Variants in RUVBL2 observed in about 807,000 individuals in gnomAD.
RUVBL2 encodes the protein RuvB like AAA ATPase 2, also known as ruvB-like 2.
In RUVBL2, 9 loss-of-function variants were observed where a neutral mutation model predicts 57.9. The ratio of observed to expected loss-of-function variants is 0.16; its 90% confidence interval spans 0.09 to 0.27. The LOEUF is 0.27. Among genes scored for constraint, RUVBL2 ranks in the 10% least tolerant of loss-of-function variants. RUVBL2 has a pLI of 1.00. For missense variants in RUVBL2, 456 were observed against 669.6 expected (o/e 0.68, Z 3.52); for synonymous variants, 278 against 264.6 (o/e 1.05, Z -0.49).
chr19:48,994,048 C>CGG (rs1350438782), intron 1 of RUVBL2, 125 bp downstream of exon 1: 17 of 1,021,984 alleles, frequency 1.7e-5, no homozygotes, highest in Non-Finnish European at 2.3e-5. Flanking sequence ...ACTCCTGGGT[C>CGG]TGAAAGAGGA....
At chr19:49,013,024 C>T (rs544792039) in intron 11 of RUVBL2, among the ~76,000 whole-genome samples, 27 of 152,332 alleles carry the variant, frequency 1.8e-4, no homozygotes, top group African/African-American at 6.0e-4. Flanking sequence ...AGTGCAGTGG[C>T]ACGATCTCGG....
intron 11 of RUVBL2, among the ~76,000 whole-genome samples, chr19:49,013,384 CT>C (rs141543194): frequency 2.0e-4 from 29 of 147,678 alleles, no homozygotes; most frequent in Admixed American, 8.2e-4. Context: ...TTTTTTGTGC[CT>C]TTTTTTTTTA....
intron 2 of RUVBL2, among the ~76,000 whole-genome samples, chr19:48,999,952 A>G (rs1206544431): frequency 1.3e-5 from 2 of 152,176 alleles, no homozygotes; most frequent in East Asian, 1.9e-4. Context: ...CGCTCTCACA[A>G]AGAGCTTTAC....
Position 49,014,507 on chromosome 19 carries a change from G to A in RUVBL2, c.1025G>A (p.Ser342Asn). 1 of 1,614,096 alleles carries A rather than the reference G, an allele frequency of 6.2e-7. No homozygotes were observed. The highest frequency in any genetic ancestry group is 8.5e-7 in the Non-Finnish European group (1 of 1,179,978). ...ITRIRGTSYQSPHGIPIDLLD... is the reference protein window; with the variant it reads ...ITRIRGTSYQNPHGIPIDLLD... Reference sequence around the variant, plus strand: ...AGAATCCGGGGCACCAGCTACCAGAGCCCTCACGGCATCCCCATAGACCTG... The same window carrying A: ...AGAATCCGGGGCACCAGCTACCAGAACCCTCACGGCATCCCCATAGACCTG... Residue 342 changes from serine (S) to asparagine (N), a missense_variant, in exon 12 of 15, where the codon AGC becomes AAC. By Grantham distance (46) the Ser-to-Asn change is conservative. Transcript: ENST00000595090.
intron 3 of RUVBL2, 74 bp downstream of exon 3, chr19:49,003,408 G>A: frequency 7.3e-7 from 1 of 1,364,684 alleles, no homozygotes; most frequent in Non-Finnish European, 1.0e-6. Flanking sequence ...GGGTCCTGGG[G>A]AGTGTGGGGA....
Position 49,010,478 on chromosome 19 carries a change from C to CCCCCCCA in RUVBL2, c.664-10_664-9insCCCCCCA. 10 of 1,574,620 alleles carry CCCCCCCA rather than the reference C, an allele frequency of 6.4e-6. No homozygotes were observed. The highest frequency in any genetic ancestry group is 8.7e-6 in the Non-Finnish European group (10 of 1,147,016). Reference sequence around the variant, plus strand: ...GTCTCCGCCGTTCTTCCCCCACCCCCGCCCCATAGACCAAGTTCGTGCAGT... The same window carrying CCCCCCCA: ...GTCTCCGCCGTTCTTCCCCCACCCCCCCCCCCAGCCCCATAGACCAAGTTCGTGCAGT... On this transcript the variant is annotated splice_polypyrimidine_tract_variant and intron_variant, in intron 8 of 14. Transcript: ENST00000595090.
At chr19:49,014,678 G>A (rs549526504) in intron 12 of RUVBL2, 75 bp downstream of exon 12, 5 of 1,569,254 alleles carry the variant, frequency 3.2e-6, no homozygotes, top group Non-Finnish European at 4.3e-6. Context: ...CTGACACTGA[G>A]GTCCAGCGGA....
chr19:49,015,248 G>A (rs2039522138), intron 13 of RUVBL2, 98 bp downstream of exon 13: 5 of 1,484,114 alleles, frequency 3.4e-6, no homozygotes, highest in Admixed American at 3.6e-5. Flanking sequence ...TAGAATGTAC[G>A]TTTTCAGACG....
chr19:49,015,631 C>A lies in RUVBL2; in HGVS notation c.1311C>A (p.Ser437=). The change falls in exon 14 of 15, where the codon TCC becomes TCA. Residue 437 remains serine, a synonymous_variant. Coordinates refer to ENST00000595090, the MANE Select transcript of RUVBL2 (RefSeq NM_006666.3). ...TCTACTCACTCTTCCTGGACGAGTC[C>A]CGCTCCACGCAGTACATGAAGGAGT... ...KRVYSLFLDE[S]RSTQYMKEYQ... is the part of the protein sequence containing the mutation. 1 of 1,614,100 alleles carries A rather than the reference C, an allele frequency of 6.2e-7. No individual in the cohort carries two copies. Among genetic ancestry groups the A allele is most frequent in the Non-Finnish European group, 8.5e-7 (1 of 1,180,016 alleles).
chr19:48,995,340 G>A (rs753136475), intron 1 of RUVBL2, among the ~76,000 whole-genome samples: 2 of 150,478 alleles, frequency 1.3e-5, no homozygotes, highest in Non-Finnish European at 3.0e-5. Flanking sequence ...TTTTTTGTGG[G>A]GTGGGGATGC....
intron 11 of RUVBL2, 48 bp from the exon 12 acceptor site, chr19:49,014,436 A>C (rs2039500188): frequency 1.9e-6 from 3 of 1,593,550 alleles, no homozygotes; most frequent in Non-Finnish European, 2.6e-6. Context: ...AAAGGGAATG[A>C]AGAGGGAACA....
At chr19:49,000,218 T>C (rs1486071319) in intron 2 of RUVBL2, among the ~76,000 whole-genome samples, 1 of 152,234 alleles carries the variant, frequency 6.6e-6, no homozygotes, top group African/African-American at 2.4e-5. Context: ...GTAGTTCATA[T>C]AAAGCATTTT....
intron 1 of RUVBL2, among the ~76,000 whole-genome samples, chr19:48,998,639 G>T (rs2039113069): frequency 6.6e-6 from 1 of 151,258 alleles, no homozygotes; most frequent in South Asian, 2.1e-4. Context: ...AACCCAGGAG[G>T]CGGAGGTTGC....
intron 1 of RUVBL2, among the ~76,000 whole-genome samples, chr19:48,998,143 C>G (rs1034777047): frequency 6.6e-6 from 1 of 152,190 alleles, no homozygotes; most frequent in Non-Finnish European, 1.5e-5. Context: ...GTCTGAATGT[C>G]TAGAGGTCCT....
chr19:48,996,993 T>C (rs1286627080), intron 1 of RUVBL2, among the ~76,000 whole-genome samples: 1 of 151,946 alleles, frequency 6.6e-6, no homozygotes, highest in Non-Finnish European at 1.5e-5. Context: ...AATAGCTTTA[T>C]TGAGATAGAA....
chr19:48,998,933 C>CA, intron 1 of RUVBL2, among the ~76,000 whole-genome samples: 1 of 147,122 alleles, frequency 6.8e-6, no homozygotes, highest in Non-Finnish European at 1.5e-5. Flanking sequence ...GAGGCTGAGG[C>CA]AGAGAATTTC....
Position 49,011,447 on chromosome 19 carries a change from A to C in RUVBL2, c.1001+137A>C. 1.5e-6 allele frequency: 1 copy of C among 680,918 alleles called. No individual in the cohort carries two copies. Among genetic ancestry groups the C allele is most frequent in the East Asian group, 2.6e-5 (1 of 38,312 alleles). The allele number at this position is 680,918 out of a possible 1,614,324, so 42.2% of individuals were successfully genotyped here. On this transcript the variant is annotated intron_variant, in intron 11 of 14. Coordinates refer to ENST00000595090, the MANE Select transcript of RUVBL2 (RefSeq NM_006666.3). The surrounding 1 kb of genome is among the most constrained non-coding windows in gnomAD (Gnocchi z 4.4). ...TGCAGTGTGCGCTCTTTGCTTACAA[A>C]AGGCGGGTGGGAGGCAGCTCTGCTT...
intron 11 of RUVBL2, among the ~76,000 whole-genome samples, chr19:49,012,147 G>T (rs1293230907): frequency 6.6e-6 from 1 of 152,164 alleles, no homozygotes; most frequent in East Asian, 1.9e-4. Flanking sequence ...GGCAAAGAAG[G>T]CTGGGTACTG....
intron 2 of RUVBL2, among the ~76,000 whole-genome samples, chr19:49,001,185 G>A (rs2039172349): frequency 6.8e-6 from 1 of 147,972 alleles, no homozygotes; most frequent in South Asian, 2.1e-4. Flanking sequence ...TTTTGGAGAC[G>A]GAGTCTCGCT....
Sources: gnomAD v4.1 joint callset for allele counts (sites outside exome capture counted in the v4.1 genomes callset) on GRCh38, gnomAD v4.1.1 for gene constraint, Gnocchi (gnomAD v3.1) non-coding constraint, MANE v1.5 for transcripts, NCBI Gene and HGNC (gene_info 2026-07-23, HGNC 2026-07-21) for gene names.